NBAS: variants seen among roughly 807,000 people sequenced by gnomAD.
NBAS encodes NAG/BC035112 fusion.
NBAS carries 219 observed loss-of-function variants against 302.5 expected under a neutral mutation model. The ratio of observed to expected loss-of-function variants is 0.72; its 90% CI spans 0.65 to 0.81. NBAS has a LOEUF of 0.81. Among genes scored for constraint, NBAS ranks in the 30% least tolerant of loss-of-function variants. NBAS has a pLI of 0.00. For synonymous variants in NBAS, 1,118 were observed against 1,021.6 expected, an observed-to-expected ratio of 1.09 and a Z score of -1.80; for missense variants, 2,932 against 2,841.6, an observed-to-expected ratio of 1.03 and a Z score of -0.72.
the NBAS span, among the ~76,000 whole-genome samples, chr2:15,122,143 TTTTTC>T: frequency 4.6e-5 from 7 of 151,866 alleles, no homozygotes; most frequent in African/African-American, 1.7e-4. Context: ...TGTTTTTTTT[TTTTTC>T]TTTTTTGCAT....
At chr2:15,211,047 CTT>C (rs1212010052) in intron 48 of NBAS, among the ~76,000 whole-genome samples, 1 of 152,016 alleles carries the variant, frequency 6.6e-6, no homozygotes, top group South Asian at 2.1e-4. Flanking sequence ...ATAAATAAGA[CTT>C]AGTATCTGCT....
chr2:15,394,217 T>A lies in NBAS; in HGVS notation c.3257+10A>T. 1 of 1,584,374 alleles carries A rather than the reference T, an allele frequency of 6.3e-7. No individual in the cohort carries two copies. The highest frequency in any genetic ancestry group is 8.6e-7 in the Non-Finnish European group (1 of 1,162,516). The stretch of plus-strand genomic sequence containing the variant: ...AATTGACCCAAGTATCAATTAATTT[T>A]ATTACTCACTTCCGGCCAGTGTGCC... On this transcript the variant is annotated intron_variant, in intron 28 of 51. Coordinates refer to ENST00000281513, the MANE Select transcript of NBAS (RefSeq NM_015909.4).
intron 28 of NBAS, among the ~76,000 whole-genome samples, chr2:15,384,425 A>C (rs1161753772): frequency 6.6e-6 from 1 of 152,144 alleles, no homozygotes; most frequent in Non-Finnish European, 1.5e-5. Context: ...GAATAAGCTA[A>C]ATTACCCATG....
rs182676801 is a variant in NBAS at position 15,203,756 on chromosome 2, C to T, written c.6433-13353G>A. 3.1e-4 allele frequency among the ~76,000 whole-genome samples: 47 copies of T among 151,986 alleles called. No homozygotes were observed. In the East Asian group the frequency reaches 5.0e-3, roughly 16 times the overall value. On this transcript the variant is annotated intron_variant, in intron 48 of 51. Transcript: ENST00000281513. Reference sequence around the variant, plus strand: ...TATTTCACATATTCAAAAAAGAATACCTGAAATCAGTAATAGGGCAAAACA... The same window carrying T: ...TATTTCACATATTCAAAAAAGAATATCTGAAATCAGTAATAGGGCAAAACA...
chr2:15,139,878 T>G, the NBAS span, among the ~76,000 whole-genome samples: 2 of 152,204 alleles, frequency 1.3e-5, no homozygotes, highest in Non-Finnish European at 2.9e-5. Flanking sequence ...ACAGGTTGTA[T>G]TTTCAAATAC....
intron 32 of NBAS, among the ~76,000 whole-genome samples, chr2:15,360,751 A>G (rs1197568018): frequency 6.6e-6 from 1 of 151,358 alleles, no homozygotes; most frequent in South Asian, 2.1e-4. Context: ...CAGGACATCA[A>G]TATCACTTTC....
the NBAS span, among the ~76,000 whole-genome samples, chr2:14,935,006 T>C: frequency 6.6e-6 from 1 of 152,180 alleles, no homozygotes; most frequent in Non-Finnish European, 1.5e-5. Context: ...TTTTCATTAA[T>C]CCAGGATATA....
chr2:15,357,990 A>T (rs1673707480), intron 32 of NBAS, among the ~76,000 whole-genome samples: 1 of 152,182 alleles, frequency 6.6e-6, no homozygotes, highest in South Asian at 2.1e-4. Context: ...ATTCTGGGAA[A>T]TGGACTTAAG....
chr2:14,995,013 G>A, the NBAS span, among the ~76,000 whole-genome samples: 1 of 151,962 alleles, frequency 6.6e-6, no homozygotes. Flanking sequence ...ACCTCTCAGA[G>A]ATTCTGATTA....
intron 4 of NBAS, 111 bp from the exon 5 acceptor site, chr2:15,553,584 C>T (rs1473493116): frequency 8.8e-6 from 9 of 1,020,634 alleles, no homozygotes; most frequent in Middle Eastern, 2.6e-4. Flanking sequence ...AATTTGTTCA[C>T]ATGCTTTAAT....
At chr2:15,145,475 C>T in the NBAS span, among the ~76,000 whole-genome samples, 1 of 151,026 alleles carries the variant, frequency 6.6e-6, no homozygotes, top group South Asian at 2.1e-4. Context: ...TAAAGGAAAG[C>T]TTTTATTATG....
the NBAS span, among the ~76,000 whole-genome samples, chr2:15,007,415 A>G: frequency 6.6e-6 from 1 of 152,226 alleles, no homozygotes; most frequent in Non-Finnish European, 1.5e-5. Flanking sequence ...AAATTCAAGC[A>G]TATCTTAGAA....
At chr2:15,486,190 C>T (rs558413986) in intron 12 of NBAS, among the ~76,000 whole-genome samples, 1 of 152,286 alleles carries the variant, frequency 6.6e-6, no homozygotes, top group African/African-American at 2.4e-5. Context: ...AAGGACACCA[C>T]GACTCATACA....
the NBAS span, among the ~76,000 whole-genome samples, chr2:15,037,523 A>G: frequency 6.6e-6 from 1 of 152,370 alleles, no homozygotes; most frequent in African/African-American, 2.4e-5. Context: ...TGAAACCTGA[A>G]ACTTTTACAC....
At chr2:15,148,919 A>C in the NBAS span, among the ~76,000 whole-genome samples, 1 of 152,222 alleles carries the variant, frequency 6.6e-6, no homozygotes, top group African/African-American at 2.4e-5. Flanking sequence ...GGCTTTCGAC[A>C]TTTAAGAAAA....
chr2:15,110,002 G>T, the NBAS span, among the ~76,000 whole-genome samples: 2 of 151,654 alleles, frequency 1.3e-5, no homozygotes, highest in African/African-American at 4.9e-5. Context: ...CCCTCAAAAG[G>T]TCATCAAAAT....
chr2:15,169,057 C>T (rs567146496), intron 51 of NBAS, among the ~76,000 whole-genome samples: 244 of 152,344 alleles, frequency 1.6e-3, no homozygotes, highest in African/African-American at 5.5e-3. Flanking sequence ...AGTGAACCTA[C>T]ATTATGAAAC....
chr2:15,311,104 T>C (rs1296448144), intron 38 of NBAS, among the ~76,000 whole-genome samples: 1 of 152,230 alleles, frequency 6.6e-6, no homozygotes, highest in Non-Finnish European at 1.5e-5. Flanking sequence ...TTGTGCTATA[T>C]ACATATCATG....
chr2:14,871,919 AAC>A, the NBAS span, among the ~76,000 whole-genome samples: 6 of 152,308 alleles, frequency 3.9e-5, no homozygotes, highest in Admixed American at 3.9e-4. Flanking sequence ...AAATTATCTA[AAC>A]ACAACAATTT....
Sources: allele counts gnomAD v4.1 joint callset (sites outside exome capture counted in the v4.1 genomes callset), GRCh38; gene constraint gnomAD v4.1.1; transcripts MANE v1.5; gene names NCBI Gene and HGNC (gene_info 2026-07-23, HGNC 2026-07-21).